Variants in CYRIA observed in about 807,000 individuals in gnomAD.
The protein encoded by CYRIA is CYFIP-related Rac1 interactor A.
CYRIA carries 15 observed loss-of-function variants against 43.9 expected under a neutral mutation model. The observed-to-expected ratio is 0.34, with a 90% CI of 0.23 to 0.53. The LOEUF is 0.53. CYRIA is among the 20% of genes least tolerant of loss of function. The pLI, the probability that CYRIA is intolerant of heterozygous loss-of-function variation, is 0.94. For missense variants in CYRIA, 236 were observed against 394.2 expected (o/e 0.60, Z 3.40); for synonymous variants, 117 against 136.0 (o/e 0.86, Z 0.97).
chr2:16,608,956 C>G (rs1050094209), intron 2 of CYRIA, among the ~76,000 whole-genome samples: 7 of 152,110 alleles, frequency 4.6e-5, no homozygotes, highest in Admixed American at 6.5e-5. Context: ...TTATGACAAA[C>G]GCAGGTCACT....
intron 1 of CYRIA, among the ~76,000 whole-genome samples, chr2:16,641,567 A>G (rs1669678211): frequency 6.6e-6 from 1 of 152,194 alleles, no homozygotes; most frequent in Non-Finnish European, 1.5e-5. Flanking sequence ...CTTTTGCTGT[A>G]ACAGATTCTA....
rs1188411604 is a variant in CYRIA, at chr2:16,623,493, T to C, written c.-11+371A>G. On this transcript the variant is annotated intron_variant, in intron 2 of 11. Coordinates refer to ENST00000381323, the MANE Select transcript of CYRIA (RefSeq NM_030797.4). ...TGGGATGCAAGTCCGTTCTCTGACATGGGATCTAAATTCCATCTCAGATTG... is the reference window on the plus strand; with the variant it reads ...TGGGATGCAAGTCCGTTCTCTGACACGGGATCTAAATTCCATCTCAGATTG... Among the ~76,000 whole-genome samples the C allele has an allele frequency of 2.6e-5, 4 of 152,198 alleles. No homozygotes were observed. In the East Asian group the frequency reaches 7.7e-4, roughly 29 times the overall value.
At chr2:16,612,769 G>A (rs1668650062) in intron 2 of CYRIA, among the ~76,000 whole-genome samples, 1 of 152,210 alleles carries the variant, frequency 6.6e-6, no homozygotes, top group Non-Finnish European at 1.5e-5. Context: ...GGAGGTGGAT[G>A]CTCATTTTAT....
At chr2:16,602,933 C>T (rs1021264956) in intron 2 of CYRIA, among the ~76,000 whole-genome samples, 1 of 151,852 alleles carries the variant, frequency 6.6e-6, no homozygotes, top group African/African-American at 2.4e-5. Context: ...ATTTGATTTT[C>T]CTGATTCATA....
intron 3 of CYRIA, among the ~76,000 whole-genome samples, chr2:16,567,175 C>T (rs922961828): frequency 2.0e-5 from 3 of 152,064 alleles, no homozygotes; most frequent in Admixed American, 2.0e-4. Context: ...GGAGGCTGAG[C>T]CAGGCAGATC....
At chr2:16,622,817 G>C (rs1669039261) in intron 2 of CYRIA, 1 of 152,220 alleles carries the variant, frequency 6.6e-6, no homozygotes, top group African/African-American at 2.4e-5. Flanking sequence ...ACAAGAGGAA[G>C]AAAGGAAGCA....
At chr2:16,656,605 G>A (rs998950528) in intron 1 of CYRIA, among the ~76,000 whole-genome samples, 22 of 152,204 alleles carry the variant, frequency 1.4e-4, no homozygotes, top group African/African-American at 5.3e-4. Flanking sequence ...GGACACAGTG[G>A]GTCCTCAGAG....
intron 2 of CYRIA, among the ~76,000 whole-genome samples, chr2:16,593,706 T>TG (rs1330187402): frequency 6.2e-5 from 6 of 97,018 alleles, no homozygotes; most frequent in African/African-American, 3.6e-4. Context: ...GTGTTTTTTT[T>TG]TGTGTGTGTG....
chr2:16,610,219 C>A (rs548917598), intron 2 of CYRIA, among the ~76,000 whole-genome samples: 3 of 152,202 alleles, frequency 2.0e-5, no homozygotes, highest in Non-Finnish European at 4.4e-5. Context: ...CTTTTAGAAA[C>A]GAGAACACTG....
chr2:16,551,185 A>G lies in CYRIA; in HGVS notation c.*1751T>C, dbSNP rs998936388. 2 of 152,200 alleles carry G rather than the reference A, an allele frequency of 1.3e-5. No homozygotes were observed. The highest frequency in any genetic ancestry group is 4.8e-5 in the African/African-American group (2 of 41,460). 9.4% of individuals were successfully genotyped at this position (152,200 alleles called of 1,614,324 possible). A position where few individuals can be genotyped will look rare whatever the true frequency, so the allele number is the denominator to read the frequency against. The stretch of plus-strand genomic sequence containing the variant: ...GGCTGAACTCCCTTGCTAAAACAAC[A>G]TAAGACAAGTATTTTTTCCCCTTTA... On this transcript the variant is annotated 3_prime_UTR_variant, in exon 12 of 12. Transcript: ENST00000381323.
chr2:16,603,205 C>G (rs1267125772), intron 2 of CYRIA, among the ~76,000 whole-genome samples: 1 of 152,182 alleles, frequency 6.6e-6, no homozygotes, highest in Non-Finnish European at 1.5e-5. Flanking sequence ...ACATCCCATC[C>G]CTAGAGTGGC....
intron 3 of CYRIA, among the ~76,000 whole-genome samples, chr2:16,576,117 A>G (rs1156994077): frequency 6.6e-6 from 1 of 152,144 alleles, no homozygotes; most frequent in Non-Finnish European, 1.5e-5. Context: ...ACAGCCTATT[A>G]AGTGCCAATG....
intron 2 of CYRIA, among the ~76,000 whole-genome samples, chr2:16,592,109 T>C (rs1181686701): frequency 3.3e-5 from 5 of 152,046 alleles, no homozygotes; most frequent in Admixed American, 6.6e-5. Flanking sequence ...TCTGAAACGC[T>C]CCAAAATCTA....
chr2:16,651,720 T>TTTGAGCAGGTCA (rs1669980473), intron 1 of CYRIA, among the ~76,000 whole-genome samples: 1 of 152,246 alleles, frequency 6.6e-6, no homozygotes, highest in Non-Finnish European at 1.5e-5. Context: ...GTCCACTCAC[T>TTTGAGCAGGTCA]TTGAGCAGGT....
chr2:16,659,921 T>C (rs75172956), intron 1 of CYRIA, among the ~76,000 whole-genome samples: 10,091 of 152,134 alleles, frequency 0.066, 545 homozygotes, highest in African/African-American at 0.15. Context: ...GGGAGTAAGC[T>C]GGTCCCTCTG....
At chr2:16,622,651 C>G (rs1056304630) in intron 2 of CYRIA, among the ~76,000 whole-genome samples, 1 of 152,164 alleles carries the variant, frequency 6.6e-6, no homozygotes, top group African/African-American at 2.4e-5. Context: ...GGTGGGGAAA[C>G]AGAAGCTTGG....
chr2:16,619,396 T>C (rs533166802), intron 2 of CYRIA, among the ~76,000 whole-genome samples: 40 of 151,892 alleles, frequency 2.6e-4, no homozygotes, highest in Non-Finnish European at 5.1e-4. Context: ...TATATATATA[T>C]ACACACACAC....
chr2:16,572,816 C>T (rs1667187006), intron 3 of CYRIA, among the ~76,000 whole-genome samples: 1 of 151,460 alleles, frequency 6.6e-6, no homozygotes, highest in Non-Finnish European at 1.5e-5. Flanking sequence ...TTTTCAGCCA[C>T]TGTCTTCAAG....
intron 2 of CYRIA, among the ~76,000 whole-genome samples, chr2:16,603,613 T>C (rs1256967180): frequency 6.6e-6 from 1 of 152,212 alleles, no homozygotes; most frequent in Non-Finnish European, 1.5e-5. Context: ...GAGCTCCTCG[T>C]CTCTGCTCAC....
Sources: gnomAD v4.1 joint callset for allele counts (sites outside exome capture counted in the v4.1 genomes callset) on GRCh38, gnomAD v4.1.1 for gene constraint, MANE v1.5 for transcripts, NCBI Gene and HGNC (gene_info 2026-07-23, HGNC 2026-07-21) for gene names.